The following CDH23 variants were observed in gnomAD, a reference collection of about 807,000 sequenced individuals.
CDH23 encodes cadherin related 23.
In CDH23, 189 loss-of-function variants were observed where a neutral mutation model predicts 317.1. That is an observed-to-expected ratio of 0.60 (90% CI 0.53 to 0.67). CDH23 has a LOEUF of 0.67. CDH23 is among the 30% of genes least tolerant of loss of function. The pLI, the probability that CDH23 is intolerant of heterozygous loss-of-function variation, is 0.00. For missense variants in CDH23, 4,401 were observed against 4,592.4 expected (o/e 0.96, Z 1.20); for synonymous variants, 1,839 against 1,876.8 (o/e 0.98, Z 0.52).
At position 71,803,296 on chromosome 10, in the gene CDH23, C is replaced by T. The variant is rs1235030095; in HGVS notation, c.7748C>T (p.Ala2583Val). The T allele has an allele frequency of 4.4e-6, 7 of 1,590,376 alleles. No homozygotes were observed. Among genetic ancestry groups the T allele is most frequent in the Non-Finnish European group, 6.0e-6 (7 of 1,168,190 alleles). Residue 2583 changes from alanine to valine, a missense_variant, in exon 55 of 70, where the codon GCC (alanine) becomes GTC (valine). Coordinates refer to ENST00000224721, the MANE Select transcript of CDH23 (RefSeq NM_022124.6). ...SYEKFSLTVV[A>V]TDGGEPPLWG... ...GAGAAGTTCAGTCTGACCGTGGTGG[C>T]CACAGATGGTGGAGAGCCCCCACTC...
At chr10:71,529,757 C>T (rs369090999) in intron 6 of CDH23, among the ~76,000 whole-genome samples, 1 of 152,036 alleles carries the variant, frequency 6.6e-6, no homozygotes, top group East Asian at 1.9e-4. Flanking sequence ...GGCTGGGTGG[C>T]TCCCGGCCAC....
Position 71,702,644 on chromosome 10 carries a change from T to A in CDH23, c.2683T>A (p.Phe895Ile), listed in dbSNP as rs1865634966. Residue 895 changes from phenylalanine (F) to isoleucine (I), a missense_variant, in exon 24 of 70, where the codon TTT becomes ATT. Transcript: ENST00000224721. ...TGACCCCACCTTTCAGAACCTGCCT[T>A]TTGTGGCCGAGGTGCTTGAAGGCAT... ...DNDPTFQNLPFVAEVLEGIPA... is the reference protein window; with the variant it reads ...DNDPTFQNLPIVAEVLEGIPA... The A allele has an allele frequency of 6.2e-7, 1 of 1,613,776 alleles. No homozygotes were observed. The highest frequency in any genetic ancestry group is 1.3e-5 in the African/African-American group (1 of 74,912).
At chr10:71,694,757 A>AG (rs1425002365) in intron 21 of CDH23, among the ~76,000 whole-genome samples, 2 of 152,146 alleles carry the variant, frequency 1.3e-5, no homozygotes, top group Admixed American at 1.3e-4. Context: ...TGAAAGGGGA[A>AG]GTGAGAAGCC....
intron 14 of CDH23, among the ~76,000 whole-genome samples, chr10:71,661,093 C>A (rs1034237327): frequency 2.0e-5 from 3 of 152,210 alleles, no homozygotes; most frequent in African/African-American, 4.8e-5. Context: ...AGGCACGAAC[C>A]TCCTTGTCTG....
chr10:71,764,809 T>C (rs1840491456), intron 38 of CDH23, among the ~76,000 whole-genome samples: 1 of 152,206 alleles, frequency 6.6e-6, no homozygotes. Flanking sequence ...CCCATTATGC[T>C]ACAAATCTGA....
At chr10:71,805,716 C>T (rs776205796) in intron 55 of CDH23, 90 bp from the exon 56 acceptor site, 14 of 1,308,796 alleles carry the variant, frequency 1.1e-5, no homozygotes, top group East Asian at 7.5e-5. Flanking sequence ...CATTCTGCTA[C>T]GGCAGGAGAA....
intron 30 of CDH23, among the ~76,000 whole-genome samples, chr10:71,728,802 C>G (rs1164418684): frequency 2.6e-5 from 4 of 152,184 alleles, no homozygotes; most frequent in Non-Finnish European, 5.9e-5. Flanking sequence ...CTCCTGGGCT[C>G]CAGCAATCCT....
At chr10:71,474,165 G>T (rs113931459) in intron 3 of CDH23, among the ~76,000 whole-genome samples, 10 of 152,210 alleles carry the variant, frequency 6.6e-5, no homozygotes, top group Non-Finnish European at 1.3e-4. Flanking sequence ...GTTCCCACAT[G>T]CCACCAGGGC....
intron 38 of CDH23, among the ~76,000 whole-genome samples, chr10:71,764,018 G>C (rs1207348213): frequency 6.6e-6 from 1 of 152,194 alleles, no homozygotes; most frequent in Non-Finnish European, 1.5e-5. Context: ...GATTTTTGGA[G>C]TCATTGTCAG....
chr10:71,643,720 C>G, intron 11 of CDH23, 141 bp from the exon 12 acceptor site: 1 of 655,774 alleles, frequency 1.5e-6, no homozygotes, highest in Non-Finnish European at 2.8e-6. Flanking sequence ...GACAGCTGCT[C>G]CTCTAGGGTG....
rs148140969 is a variant in CDH23, at chr10:71,497,888, G to A, written c.146-12194G>A. Among the ~76,000 whole-genome samples, 412 of 152,146 alleles carry A rather than the reference G, an allele frequency of 2.7e-3. 1 individual carries two copies. Among genetic ancestry groups the A allele is most frequent in the African/African-American group, 9.4e-3 (389 of 41,512 alleles). On this transcript the variant is annotated intron_variant, in intron 3 of 69. Coordinates refer to ENST00000224721, the MANE Select transcript of CDH23 (RefSeq NM_022124.6). Reference sequence around the variant, plus strand: ...GGCCATATCAAGAATGCAAATATTCGGCCAAGTAGAGCTACTCCCTCCCCT... The same window carrying A: ...GGCCATATCAAGAATGCAAATATTCAGCCAAGTAGAGCTACTCCCTCCCCT...
In CDH23 at chr10:71,695,525, G is replaced by A. The variant is rs2132717145; in HGVS notation, c.2397G>A (p.Thr799=). 6.9e-6 allele frequency: 11 copies of A among 1,600,658 alleles called. No individual in the cohort carries two copies. Among genetic ancestry groups the A allele is most frequent in the East Asian group, 2.2e-5 (1 of 44,842 alleles). ...CCCCTCCAGACTCTGATGTGACCAC[G>A]GTAGGTGGTGGCAGAGCAGCAGAAC... is the stretch of plus-strand genomic sequence containing the variant. ...EMTPPDSDVT[T]VVAVDPDLGE... The change falls in exon 22 of 70, where the codon ACG becomes ACA. Residue 799 remains threonine, a splice_region_variant and synonymous_variant. Transcript: ENST00000224721.
intron 60 of CDH23, among the ~76,000 whole-genome samples, chr10:71,808,813 G>C (rs1194601206): frequency 6.6e-6 from 1 of 152,094 alleles, no homozygotes; most frequent in East Asian, 1.9e-4. Flanking sequence ...AAGCTGCTTA[G>C]CATCCCCACG....
In CDH23 at chr10:71,687,738, G is replaced by A; in HGVS notation, c.2059+19G>A. ...ATGGCAGGTACAGGCTCAGGTCGGG[G>A]GGTGGGGGGCACATGGAGGTAGGCA... On this transcript the variant is annotated intron_variant, in intron 19 of 69. Transcript: ENST00000224721. 1 of 1,612,050 alleles carries A rather than the reference G, an allele frequency of 6.2e-7. No individual in the cohort carries two copies. The highest frequency in any genetic ancestry group is 8.5e-7 in the Non-Finnish European group (1 of 1,178,894).
intron 3 of CDH23, among the ~76,000 whole-genome samples, chr10:71,476,521 G>C (rs1274903031): frequency 6.6e-6 from 1 of 152,180 alleles, no homozygotes; most frequent in Non-Finnish European, 1.5e-5. Context: ...AAGATTTGGG[G>C]CTGGAACAGA....
At chr10:71,708,948 A>T in intron 26 of CDH23, 150 bp from the exon 27 acceptor site, 1 of 718,546 alleles carries the variant, frequency 1.4e-6, no homozygotes, top group Non-Finnish European at 2.5e-6. Flanking sequence ...CTGCACCCGC[A>T]TCAGAGCACC....
chr10:71,765,111 C>A (rs1840501610), intron 38 of CDH23, among the ~76,000 whole-genome samples: 1 of 152,190 alleles, frequency 6.6e-6, no homozygotes, highest in Non-Finnish European at 1.5e-5. Flanking sequence ...CAGGAAGAAA[C>A]AAAACCTGCC....
At chr10:71,737,761 C>T (rs753547588) in intron 34 of CDH23, 69 of 470,362 alleles carry the variant, frequency 1.5e-4, no homozygotes, top group Middle Eastern at 6.5e-4. Context: ...TGTGGCCGTC[C>T]GTGGACTGGA....
intron 34 of CDH23, among the ~76,000 whole-genome samples, 161 bp from the exon 35 acceptor site, chr10:71,738,337 T>A (rs1839625924): frequency 6.6e-6 from 1 of 152,182 alleles, no homozygotes; most frequent in Admixed American, 6.5e-5. Flanking sequence ...GCCCAGGGCC[T>A]CCTTTGTAAA....
Sources: gnomAD v4.1 joint callset for allele counts (sites outside exome capture counted in the v4.1 genomes callset) on GRCh38, gnomAD v4.1.1 for gene constraint, MANE v1.5 for transcripts, NCBI Gene and HGNC (gene_info 2026-07-23, HGNC 2026-07-21) for gene names.